The following NOXA1 variants were observed in gnomAD, a reference collection of about 807,000 sequenced individuals.
NOXA1 encodes NADPH oxidase activator 1.
Under a neutral mutation model 64.8 loss-of-function variants are expected in NOXA1, and 56 were observed. The ratio of observed to expected loss-of-function variants is 0.86; its 90% confidence interval spans 0.70 to 1.08. The LOEUF (loss-of-function observed/expected upper bound fraction) is 1.08, where lower values mean the gene tolerates loss of function less well. Ranked by LOEUF, NOXA1 falls within the 50% of genes least tolerant of loss-of-function variation. NOXA1 has a pLI of 0.00. For missense variants in NOXA1, 668 were observed against 658.5 expected (o/e 1.01, Z -0.16); for synonymous variants, 295 against 294.8 (o/e 1.00, Z -0.01).
At chr9:137,427,625 T>C (rs941333707) in intron 2 of NOXA1, among the ~76,000 whole-genome samples, 1 of 152,198 alleles carries the variant, frequency 6.6e-6, no homozygotes, top group Admixed American at 6.5e-5. Flanking sequence ...GAGAGGCCTC[T>C]CCGGCAGGCG....
At position 137,431,940 on chromosome 9, in the gene NOXA1, ACTCT is replaced by A. The variant is rs373214569; in HGVS notation, c.804+604_804+607del. ...GATGCGATCAGGAAGCAGCCCCGGC[ACTCT>A]CTCTTTATGGATGCCCACTTCCAGT... On this transcript the variant is annotated intron_variant, in intron 8 of 13. Transcript: ENST00000683555. This position sits in a 1 kb window ranked among gnomAD's most constrained non-coding sequence, Gnocchi z 5.6. Among the ~76,000 whole-genome samples, 699 of 152,080 alleles carry A rather than the reference ACTCT, an allele frequency of 4.6e-3. 8 individuals are homozygous for A. Among genetic ancestry groups the A allele is most frequent in the Middle Eastern group, 0.024 (7 of 292 alleles).
Position 137,434,256 on chromosome 9 carries a change from G to A in NOXA1, c.1327G>A (p.Gly443Ser), listed in dbSNP as rs772494232. 2.0e-5 allele frequency: 32 copies of A among 1,610,690 alleles called. No homozygotes were observed. Among genetic ancestry groups the A allele is most frequent in the South Asian group, 2.0e-4 (18 of 91,056 alleles). ...DQAWLEGHCDGRIGIFPKCFV... is the reference protein window; with the variant it reads ...DQAWLEGHCDSRIGIFPKCFV... ...GGCATGGCTGGAGGGCCACTGTGACGGCCGCATCGGCATCTTCCCCAAGTG... is the reference window on the plus strand; with the variant it reads ...GGCATGGCTGGAGGGCCACTGTGACAGCCGCATCGGCATCTTCCCCAAGTG... The change falls in exon 14 of 14, where the codon GGC (glycine) becomes AGC (serine). Residue 443 changes from glycine to serine, a missense_variant. Transcript: ENST00000683555.
At chr9:137,427,958 G>A (rs1431566280) in intron 2 of NOXA1, 75 bp from the exon 3 acceptor site, 2 of 1,031,002 alleles carry the variant, frequency 1.9e-6, no homozygotes, top group African/African-American at 3.2e-5. Flanking sequence ...GGCTCGAGCG[G>A]GGCTGGTGTG....
At chr9:137,432,515 G>T (rs1372848154) in intron 8 of NOXA1, among the ~76,000 whole-genome samples, 1 of 152,198 alleles carries the variant, frequency 6.6e-6, no homozygotes, top group Non-Finnish European at 1.5e-5. Flanking sequence ...AGGAGGCGGA[G>T]CTTATAGTGA....
chr9:137,433,483 G>A lies in NOXA1; in HGVS notation c.940G>A (p.Val314Met). ...AGGTGCAGGGGGCTCCGAGCCCCTG[G>A]TGACTGTCACCGTGCAGTGCGCCTT... ...GAGAGGSEPL[V>M]TVTVQCAFTV... Residue 314 changes from valine to methionine, a missense_variant, in exon 11 of 14, where the codon GTG (valine) becomes ATG (methionine). Physicochemically the swap from Val to Met is conservative, Grantham distance 21. Transcript: ENST00000683555. 2 of 1,603,874 alleles carry A rather than the reference G, an allele frequency of 1.2e-6. No homozygotes were observed. Among genetic ancestry groups the A allele is most frequent in the Non-Finnish European group, 1.7e-6 (2 of 1,178,726 alleles).
chr9:137,433,825 C>T lies in NOXA1; in HGVS notation c.1140C>T (p.Asp380=), dbSNP rs373162015. The T allele has an allele frequency of 5.1e-5, 74 of 1,451,466 alleles. No homozygotes were observed. The highest frequency in any genetic ancestry group is 4.8e-4 in the East Asian group (19 of 39,998). 89.9% of individuals were successfully genotyped at this position (1,451,466 alleles called of 1,614,324 possible). The change falls in exon 12 of 14, where the codon GAC becomes GAT. Residue 380 remains aspartate (D), a synonymous_variant. Transcript: ENST00000683555. ...AGTCGCTGCAGAGGGCCTGGCAGGA[C>T]GCAGCTGCCTGCCCCAGGGGGCTGC... ...EEESLQRAWQ[D]AAACPRGLQL... is the part of the protein sequence containing the mutation.
Position 137,431,023 on chromosome 9 carries a change from A to C in NOXA1, c.673-52A>C. The C allele has an allele frequency of 3.1e-6, 5 of 1,612,488 alleles. No homozygotes were observed. The highest frequency in any genetic ancestry group is 4.2e-6 in the Non-Finnish European group (5 of 1,179,606). ...CACTCTTCAAGGTTCAGGAGGAGGG[A>C]GGGCGGCCCCCGACCCTTAACCAGA... On this transcript the variant is annotated intron_variant, in intron 6 of 13. Coordinates refer to ENST00000683555, the MANE Select transcript of NOXA1 (RefSeq NM_001256067.2). This position sits in a 1 kb window ranked among gnomAD's most constrained non-coding sequence, Gnocchi z 5.6.
rs548793040 is a variant in NOXA1, at chr9:137,431,524, G to C, written c.804+183G>C. Among the ~76,000 whole-genome samples, 23 of 152,300 alleles carry C rather than the reference G, an allele frequency of 1.5e-4. No homozygotes were observed. The highest frequency in any genetic ancestry group is 4.8e-4 in the African/African-American group (20 of 41,578). On this transcript the variant is annotated intron_variant, in intron 8 of 13. Transcript: ENST00000683555. This position sits in a 1 kb window ranked among gnomAD's most constrained non-coding sequence, Gnocchi z 5.6. ...GATGGGAGGATGCCTGGCTGTGCCCGAGGCGAGTGGGCATTGGCCATCAGG... is the reference window on the plus strand; with the variant it reads ...GATGGGAGGATGCCTGGCTGTGCCCCAGGCGAGTGGGCATTGGCCATCAGG...
At chr9:137,423,820 C>A (rs960303512) in intron 1 of NOXA1, 114 bp downstream of exon 1, 22 of 901,458 alleles carry the variant, frequency 2.4e-5, no homozygotes, top group Non-Finnish European at 3.2e-5. Context: ...CCCGACCCAG[C>A]GAACGCCCCG....
chr9:137,431,045 C>G lies in NOXA1; in HGVS notation c.673-30C>G. On this transcript the variant is annotated intron_variant, in intron 6 of 13. Coordinates refer to ENST00000683555, the MANE Select transcript of NOXA1 (RefSeq NM_001256067.2). This position sits in a 1 kb window ranked among gnomAD's most constrained non-coding sequence, Gnocchi z 5.6. ...GGGAGGGCGGCCCCCGACCCTTAACCAGAGCGAGGTTGTTGCTTTGTGTCC... is the reference window on the plus strand; with the variant it reads ...GGGAGGGCGGCCCCCGACCCTTAACGAGAGCGAGGTTGTTGCTTTGTGTCC... 1 of 1,613,184 alleles carries G rather than the reference C, an allele frequency of 6.2e-7. No homozygotes were observed.
Position 137,433,092 on chromosome 9 carries a change from G to A in NOXA1, c.850+18G>A, listed in dbSNP as rs151045376. On this transcript the variant is annotated intron_variant, in intron 9 of 13. Transcript: ENST00000683555. ...CTCCCCAGGTATGGGCGTCCTCAGC[G>A]GCGGGGTCCCCGGGTGAAGGAGGAA... The A allele has an allele frequency of 9.4e-5, 151 of 1,612,730 alleles. No individual in the cohort carries two copies. The African/African-American group carries it at 1.8e-3, about 19-fold the overall frequency.
At chr9:137,426,824 C>T (rs112933782) in intron 2 of NOXA1, among the ~76,000 whole-genome samples, 1,622 of 152,274 alleles carry the variant, frequency 0.011, 14 homozygotes, top group Non-Finnish European at 0.014. Context: ...TGAGAAGGAG[C>T]CTTGCTCTGT....
rs769085433 is a variant in NOXA1 at position 137,423,840 on chromosome 9, A to T, written c.177+134A>T. On this transcript the variant is annotated intron_variant, in intron 1 of 13. Transcript: ENST00000683555. Reference sequence around the variant, plus strand: ...CCCAGCGAACGCCCCGGCAGGTGGGAGCCGAGCAGGGGGGCCGCACCTGAG... The same window carrying T: ...CCCAGCGAACGCCCCGGCAGGTGGGTGCCGAGCAGGGGGGCCGCACCTGAG... The T allele has an allele frequency of 6.9e-4, 528 of 763,438 alleles. 1 individual carries two copies. Among genetic ancestry groups the T allele is most frequent in the Admixed American group, 1.7e-3 (37 of 21,618 alleles). The allele number at this position is 763,438 out of a possible 1,614,324, so 47.3% of individuals were successfully genotyped here. A position where few individuals can be genotyped will look rare whatever the true frequency, so the allele number is the denominator to read the frequency against.
At chr9:137,433,656 GA>G in intron 11 of NOXA1, 49 bp downstream of exon 11, 1 of 1,519,564 alleles carries the variant, frequency 6.6e-7, no homozygotes, top group Non-Finnish European at 8.9e-7. Flanking sequence ...GCACCGCCCC[GA>G]CTGAGGCAGC....
At position 137,428,939 on chromosome 9, in the gene NOXA1, A is replaced by G. The variant is rs1838965838; in HGVS notation, c.427A>G (p.Ser143Gly). 4 of 1,597,880 alleles carry G rather than the reference A, an allele frequency of 2.5e-6. No homozygotes were observed. In the East Asian group the frequency reaches 9.1e-5, roughly 36 times the overall value. Residue 143 changes from serine to glycine, a missense_variant, in exon 4 of 14, where the codon AGC becomes GGC. Physicochemically the swap from Ser to Gly is moderately conservative, Grantham distance 56 (BLOSUM62 0). Transcript: ENST00000683555. Reference sequence around the variant, plus strand: ...GCTGGGGCTCTGGACAGAGGCGGCCAGCAGCCTAAGGGAGGCCATGTCCAA... The same window carrying G: ...GCTGGGGCTCTGGACAGAGGCGGCCGGCAGCCTAAGGGAGGCCATGTCCAA... ...CQLGLWTEAA[S>G]SLREAMSKWP...
chr9:137,428,809 G>A, intron 3 of NOXA1, 73 bp from the exon 4 acceptor site: 2 of 1,455,068 alleles, frequency 1.4e-6, no homozygotes, highest in East Asian at 2.7e-5. Context: ...CGAGGGAGGA[G>A]CTGGGTGGGG....
At chr9:137,429,657 A>G (rs1253530397) in intron 5 of NOXA1, among the ~76,000 whole-genome samples, 1 of 152,134 alleles carries the variant, frequency 6.6e-6, no homozygotes. Flanking sequence ...CCGCCCCCAG[A>G]CTGGGCCATG....
chr9:137,433,608 G>T lies in NOXA1; in HGVS notation c.1064+1G>T. The T allele has an allele frequency of 6.5e-7, 1 of 1,544,948 alleles. No individual in the cohort carries two copies. Among genetic ancestry groups the T allele is most frequent in the Non-Finnish European group, 8.7e-7 (1 of 1,145,362 alleles). On this transcript the variant is annotated splice_donor_variant, in intron 11 of 13. Coordinates refer to ENST00000683555, the MANE Select transcript of NOXA1 (RefSeq NM_001256067.2). LOFTEE classifies it high-confidence loss of function. ...ACCAGGCCCAGCTTGGGCAACTCAG[G>T]TGGGCCAGAAAGCCCCCGGTGGCTG...
chr9:137,430,107 GT>G (rs1301149105), intron 5 of NOXA1, among the ~76,000 whole-genome samples: 82 of 141,402 alleles, frequency 5.8e-4, no homozygotes, highest in African/African-American at 1.9e-3. Context: ...GTCCCGGGGG[GT>G]CTCCCTGTGT....
Sources: allele counts gnomAD v4.1 joint callset (sites outside exome capture counted in the v4.1 genomes callset), GRCh38; gene constraint gnomAD v4.1.1; non-coding constraint Gnocchi (gnomAD v3.1); transcripts MANE v1.5; gene names NCBI Gene and HGNC (gene_info 2026-07-23, HGNC 2026-07-21).